The following CD96 variants were observed in gnomAD, a reference collection of about 807,000 sequenced individuals.
CD96 encodes the protein CD96 molecule, also known as T-cell surface protein tactile.
A neutral mutation model predicts 71.3 loss-of-function variants in CD96; 70 were observed. The ratio of observed to expected loss-of-function variants is 0.98; its 90% confidence interval spans 0.81 to 1.20. The LOEUF is 1.20. CD96 is among the 50% of genes most tolerant of loss of function. The pLI, the probability that CD96 is intolerant of heterozygous loss-of-function variation, is 0.00. For missense variants in CD96, 742 were observed against 677.5 expected (o/e 1.10, Z -1.06); for synonymous variants, 248 against 233.0 (o/e 1.06, Z -0.59).
intron 10 of CD96, among the ~76,000 whole-genome samples, chr3:111,631,548 G>C (rs1313472225): frequency 6.6e-6 from 1 of 151,954 alleles, no homozygotes; most frequent in Non-Finnish European, 1.5e-5. Context: ...TCAGTATCAT[G>C]AAAATGCCCA....
intron 2 of CD96, among the ~76,000 whole-genome samples, chr3:111,555,313 A>G (rs963666223): frequency 1.3e-5 from 2 of 152,268 alleles, no homozygotes; most frequent in Non-Finnish European, 1.5e-5. Flanking sequence ...CGTATTTACC[A>G]TTTTTTGTGC....
rs145133367 is a variant in CD96, at chr3:111,545,161, C to A, written c.177C>A (p.Ser59=). Residue 59 remains serine (S), a synonymous_variant, in exon 2 of 14, where the codon TCC becomes TCA. Transcript: ENST00000352690. Reference sequence around the variant, plus strand: ...GCTTCTTCGTGCAGATGCAATGGTCCAAGGTCACCAATAAGATAGACCTGA... The same window carrying A: ...GCTTCTTCGTGCAGATGCAATGGTCAAAGGTCACCAATAAGATAGACCTGA... ...TVGFFVQMQW[S]KVTNKIDLIA... 7.8e-4 allele frequency: 1,262 copies of A among 1,614,170 alleles called. 11 individuals carry two copies. The highest frequency in any genetic ancestry group is 6.9e-3 in the Middle Eastern group (42 of 6,060).
rs374440643 is a variant in CD96 at position 111,577,866 on chromosome 3, T to C, written c.544-1161T>C. 1.7e-4 allele frequency among the ~76,000 whole-genome samples: 26 copies of C among 152,284 alleles called. No homozygotes were observed. In the East Asian group the frequency reaches 4.8e-3, roughly 28 times the overall value. ...TCATTATTTTGTAACATTTCCCCCATTGAATGCACTCCTGTTTACCCTTCT... is the reference window on the plus strand; with the variant it reads ...TCATTATTTTGTAACATTTCCCCCACTGAATGCACTCCTGTTTACCCTTCT... On this transcript the variant is annotated intron_variant, in intron 3 of 13. Transcript: ENST00000352690.
At chr3:111,614,117 T>C (rs1262445758) in intron 8 of CD96, among the ~76,000 whole-genome samples, 5 of 152,210 alleles carry the variant, frequency 3.3e-5, no homozygotes, top group Non-Finnish European at 7.3e-5. Flanking sequence ...TAAAAACTCT[T>C]GTCAAATGTA....
chr3:111,629,525 A>G (rs1576411560), intron 10 of CD96, among the ~76,000 whole-genome samples: 1 of 152,238 alleles, frequency 6.6e-6, no homozygotes, highest in Admixed American at 6.5e-5. Flanking sequence ...GAAAGTTCTT[A>G]GAGACCCTCA....
intron 5 of CD96, among the ~76,000 whole-genome samples, chr3:111,585,787 T>A (rs2292515): frequency 3.3e-5 from 5 of 151,912 alleles, no homozygotes; most frequent in African/African-American, 4.8e-5. Flanking sequence ...CCATTGTTTT[T>A]ATTTCAAAGT....
chr3:111,573,018 A>C (rs1053329343), intron 3 of CD96, among the ~76,000 whole-genome samples: 1 of 152,208 alleles, frequency 6.6e-6, no homozygotes, highest in Non-Finnish European at 1.5e-5. Context: ...CTAAGTAAAC[A>C]CAAAGGGTTA....
rs568719278 is a variant in CD96, at chr3:111,611,419, G to A, written c.1180+4627G>A. On this transcript the variant is annotated intron_variant, in intron 8 of 13. Coordinates refer to ENST00000352690, the MANE Select transcript of CD96 (RefSeq NM_005816.5). ...TGTCATTAGATGAGATTAGAAGAAAGTAAATCAGAAATTCGGCAGTTGATA... is the reference window on the plus strand; with the variant it reads ...TGTCATTAGATGAGATTAGAAGAAAATAAATCAGAAATTCGGCAGTTGATA... Among the ~76,000 whole-genome samples the A allele has an allele frequency of 4.6e-5, 7 of 152,338 alleles. No homozygotes were observed. In the South Asian group the frequency reaches 1.5e-3, roughly 32 times the overall value.
intron 2 of CD96, among the ~76,000 whole-genome samples, chr3:111,558,866 C>T (rs1210134106): frequency 5.3e-5 from 8 of 151,502 alleles, no homozygotes; most frequent in African/African-American, 1.2e-4. Context: ...AAACTATTGA[C>T]TATTGCCACA....
Position 111,612,604 on chromosome 3 carries a change from G to A in CD96, c.1180+5812G>A, listed in dbSNP as rs578142929. 2.0e-5 allele frequency among the ~76,000 whole-genome samples: 3 copies of A among 152,274 alleles called. No individual in the cohort carries two copies. The East Asian group carries it at 5.8e-4, about 29-fold the overall frequency. Reference sequence around the variant, plus strand: ...GATGAAGATACTGAGGCACAAAGAGGTTAAATAACTCACCCAAAGTCATGC... The same window carrying A: ...GATGAAGATACTGAGGCACAAAGAGATTAAATAACTCACCCAAAGTCATGC... On this transcript the variant is annotated intron_variant, in intron 8 of 13. Coordinates refer to ENST00000352690, the MANE Select transcript of CD96 (RefSeq NM_005816.5).
At chr3:111,552,220 A>G (rs760950272) in intron 2 of CD96, among the ~76,000 whole-genome samples, 3 of 152,008 alleles carry the variant, frequency 2.0e-5, no homozygotes, top group Non-Finnish European at 4.4e-5. Context: ...AAGAGGTGAT[A>G]TAAGGGCTCC....
chr3:111,654,360 A>G (rs944561100), downstream of CD96, among the ~76,000 whole-genome samples: 4 of 152,238 alleles, frequency 2.6e-5, no homozygotes, highest in African/African-American at 7.2e-5. Flanking sequence ...AGGCATGACC[A>G]GAAAGCAGGA....
chr3:111,587,835 G>C (rs1936786284), intron 5 of CD96, among the ~76,000 whole-genome samples: 1 of 152,176 alleles, frequency 6.6e-6, no homozygotes, highest in South Asian at 2.1e-4. Flanking sequence ...CTGTACCCTT[G>C]GCCCCTTTCA....
downstream of CD96, among the ~76,000 whole-genome samples, chr3:111,652,918 G>A (rs1027841692): frequency 5.9e-5 from 9 of 151,726 alleles, no homozygotes; most frequent in African/African-American, 2.2e-4. Flanking sequence ...AGCAATACTA[G>A]ATCCTAATCC....
intron 10 of CD96, among the ~76,000 whole-genome samples, chr3:111,628,582 C>G (rs565587880): frequency 6.6e-6 from 1 of 152,182 alleles, no homozygotes; most frequent in South Asian, 2.1e-4. Flanking sequence ...AGAATGGAAC[C>G]AACTTGGAAA....
intron 2 of CD96, among the ~76,000 whole-genome samples, chr3:111,562,759 C>G (rs61645432): frequency 0.12 from 18,174 of 152,174 alleles, 1,183 homozygotes; most frequent in Non-Finnish European, 0.13. Context: ...CATTTTGCTA[C>G]GCTCTTTTGG....
intron 12 of CD96, among the ~76,000 whole-genome samples, chr3:111,641,276 A>G (rs1450780428): frequency 1.3e-5 from 2 of 152,268 alleles, no homozygotes; most frequent in African/African-American, 4.8e-5. Flanking sequence ...AAGGACTCAT[A>G]TAAACTTAAA....
rs1414242680 is a variant in CD96, at chr3:111,649,940, C to G, written c.*134C>G. 4.2e-6 allele frequency: 3 copies of G among 711,780 alleles called. No individual in the cohort carries two copies. Among genetic ancestry groups the G allele is most frequent in the Non-Finnish European group, 7.7e-6 (3 of 392,014 alleles). 44.1% of individuals were successfully genotyped at this position (711,780 alleles called of 1,614,324 possible). ...GAAATGGAAGTCAGAAGTGAGTGAC[C>G]TGTTTTCCCAGCAACTCACCCTCTT... On this transcript the variant is annotated 3_prime_UTR_variant, in exon 14 of 14. Transcript: ENST00000352690.
chr3:111,613,265 A>T (rs1329825144), intron 8 of CD96, among the ~76,000 whole-genome samples: 1 of 152,158 alleles, frequency 6.6e-6, no homozygotes. Flanking sequence ...CTACAAGCTC[A>T]CCACATGATG....
Sources: allele counts gnomAD v4.1 joint callset (sites outside exome capture counted in the v4.1 genomes callset), GRCh38; gene constraint gnomAD v4.1.1; transcripts MANE v1.5; gene names NCBI Gene and HGNC (gene_info 2026-07-23, HGNC 2026-07-21).